GRXCR1: variants seen among roughly 807,000 people sequenced by gnomAD.
GRXCR1 encodes the protein glutaredoxin and cysteine rich domain containing 1, also known as glutaredoxin domain-containing cysteine-rich protein 1.
GRXCR1 carries 27 observed loss-of-function variants against 27.3 expected under a neutral mutation model. That is an observed-to-expected ratio of 0.99 (90% confidence interval 0.73 to 1.37). The LOEUF is 1.37. GRXCR1 is among the 40% of genes most tolerant of loss of function. The probability of loss-of-function intolerance (pLI) is 0.00; values close to 1 mark genes in which losing one functional copy is unlikely to be tolerated. For synonymous variants in GRXCR1, 122 were observed against 131.1 expected (o/e 0.93, Z 0.47); for missense variants, 379 against 354.4 (o/e 1.07, Z -0.56).
Position 43,030,409 on chromosome 4 carries a change from C to T in GRXCR1, c.742C>T (p.Leu248Phe). ...ECPSCGGFGF[L>F]PCSVCHGSKM... The stretch of plus-strand genomic sequence containing the variant: ...TCCCTCTTGTGGAGGCTTTGGCTTT[C>T]TTCCATGCTCCGTGTGCCATGGGAG... The change falls in exon 4 of 4, where the codon CTT becomes TTT. Residue 248 changes from leucine to phenylalanine, a missense_variant. Leu to Phe is a conservative substitution (Grantham distance 22). Transcript: ENST00000399770. 1 of 1,614,094 alleles carries T rather than the reference C, an allele frequency of 6.2e-7. No individual in the cohort carries two copies. The highest frequency in any genetic ancestry group is 8.5e-7 in the Non-Finnish European group (1 of 1,180,002).
chr4:42,989,644 A>G (rs1342341015), intron 2 of GRXCR1, among the ~76,000 whole-genome samples: 3 of 152,310 alleles, frequency 2.0e-5, no homozygotes, highest in Admixed American at 6.5e-5. Context: ...CAATCCACTT[A>G]CATCAAGCAT....
At chr4:42,905,637 T>C (rs1746571046) in intron 1 of GRXCR1, among the ~76,000 whole-genome samples, 1 of 152,204 alleles carries the variant, frequency 6.6e-6, no homozygotes, top group South Asian at 2.1e-4. Context: ...GGATTCAAAA[T>C]GGATGCCATA....
chr4:42,984,115 C>A (rs1577931895), intron 2 of GRXCR1, among the ~76,000 whole-genome samples: 2 of 152,204 alleles, frequency 1.3e-5, no homozygotes, highest in African/African-American at 4.8e-5. Context: ...GGATTACAGG[C>A]ATGAGCCACC....
intron 2 of GRXCR1, among the ~76,000 whole-genome samples, chr4:42,991,547 A>T (rs1048203670): frequency 3.9e-5 from 6 of 152,014 alleles, no homozygotes; most frequent in African/African-American, 1.5e-4. Context: ...ACAAGGTGGG[A>T]GAGAGAGCAT....
intron 2 of GRXCR1, among the ~76,000 whole-genome samples, chr4:43,012,788 T>C (rs369476745): frequency 1.3e-5 from 2 of 152,250 alleles, no homozygotes; most frequent in East Asian, 3.9e-4. Flanking sequence ...TTATTTCTTT[T>C]TTAAAAAAAA....
intron 2 of GRXCR1, among the ~76,000 whole-genome samples, chr4:42,970,507 C>A (rs1748360202): frequency 2.0e-5 from 3 of 152,160 alleles, no homozygotes; most frequent in Admixed American, 2.0e-4. Context: ...AGGCCCAACA[C>A]CATGTGGAAG....
chr4:43,005,715 G>A (rs1305471238), intron 2 of GRXCR1, among the ~76,000 whole-genome samples: 1 of 152,166 alleles, frequency 6.6e-6, no homozygotes, highest in Middle Eastern at 3.2e-3. Flanking sequence ...CCAGATGTGG[G>A]TGAAGGGCAG....
chr4:42,921,863 A>G (rs1747018909), intron 1 of GRXCR1, among the ~76,000 whole-genome samples: 1 of 152,120 alleles, frequency 6.6e-6, no homozygotes, highest in Non-Finnish European at 1.5e-5. Flanking sequence ...CTCCTGGAAC[A>G]TGCTGCCCAC....
chr4:42,931,400 T>A (rs1747301960), intron 1 of GRXCR1, among the ~76,000 whole-genome samples: 1 of 151,964 alleles, frequency 6.6e-6, no homozygotes, highest in South Asian at 2.1e-4. Context: ...GTTTGCCACC[T>A]GCCATTAGAA....
chr4:42,940,124 TC>T (rs1362226979), intron 1 of GRXCR1, among the ~76,000 whole-genome samples: 5 of 152,026 alleles, frequency 3.3e-5, no homozygotes, highest in African/African-American at 1.2e-4. Context: ...CTTTCTGAGT[TC>T]TTCATGGTGA....
chr4:42,970,336 C>A (rs1315693628), intron 2 of GRXCR1, among the ~76,000 whole-genome samples: 2 of 152,122 alleles, frequency 1.3e-5, no homozygotes, highest in Non-Finnish European at 1.5e-5. Context: ...TATGAGGGGG[C>A]TCCAACCTCA....
intron 1 of GRXCR1, among the ~76,000 whole-genome samples, chr4:42,944,094 A>G (rs1465105059): frequency 1.3e-5 from 2 of 152,096 alleles, no homozygotes; most frequent in African/African-American, 4.8e-5. Flanking sequence ...AGCAATACAG[A>G]TAAGAGAGAA....
At chr4:42,897,759 A>G (rs1002810224) in intron 1 of GRXCR1, among the ~76,000 whole-genome samples, 15 of 152,030 alleles carry the variant, frequency 9.9e-5, no homozygotes, top group African/African-American at 3.6e-4. Context: ...TTTCTTTAGC[A>G]TGAAGTAACA....
chr4:42,953,840 C>A (rs987387494), intron 1 of GRXCR1, among the ~76,000 whole-genome samples: 2 of 151,946 alleles, frequency 1.3e-5, no homozygotes, highest in Non-Finnish European at 2.9e-5. Flanking sequence ...ACTGAGAGTT[C>A]ATGATTCATT....
intron 1 of GRXCR1, among the ~76,000 whole-genome samples, chr4:42,914,861 A>C (rs1484942371): frequency 1.3e-5 from 2 of 152,110 alleles, no homozygotes; most frequent in African/African-American, 4.8e-5. Context: ...TTCTCATGAT[A>C]GTGAGTGAGT....
At chr4:42,989,049 G>C (rs754916525) in intron 2 of GRXCR1, among the ~76,000 whole-genome samples, 6 of 152,146 alleles carry the variant, frequency 3.9e-5, no homozygotes, top group Non-Finnish European at 8.8e-5. Context: ...AGTTGCCTTT[G>C]CTTATAGGCC....
At chr4:42,957,900 G>A (rs947433120) in intron 1 of GRXCR1, among the ~76,000 whole-genome samples, 1 of 151,720 alleles carries the variant, frequency 6.6e-6, no homozygotes, top group Non-Finnish European at 1.5e-5. Flanking sequence ...TGTCTGACAG[G>A]TCACTCTGTA....
At chr4:43,019,753 T>A (rs929579189) in intron 2 of GRXCR1, among the ~76,000 whole-genome samples, 2 of 152,182 alleles carry the variant, frequency 1.3e-5, no homozygotes, top group Admixed American at 6.5e-5. Context: ...TCTCTCTGTG[T>A]CTTCTCTGGG....
At chr4:42,910,957 T>C (rs1276796232) in intron 1 of GRXCR1, among the ~76,000 whole-genome samples, 1 of 152,182 alleles carries the variant, frequency 6.6e-6, no homozygotes, top group Non-Finnish European at 1.5e-5. Flanking sequence ...CTCCTCTTAG[T>C]GTTAAGTCTT....
Sources: allele counts gnomAD v4.1 joint callset (sites outside exome capture counted in the v4.1 genomes callset), GRCh38; gene constraint gnomAD v4.1.1; transcripts MANE v1.5; gene names NCBI Gene and HGNC (gene_info 2026-07-23, HGNC 2026-07-21).